ZCCHC7: variants seen among roughly 807,000 people sequenced by gnomAD.
ZCCHC7 encodes zinc finger CCHC domain-containing protein 7.
ZCCHC7 carries 35 observed loss-of-function variants against 52.0 expected under a neutral mutation model. That is an observed-to-expected ratio of 0.67 (90% CI 0.51 to 0.89). ZCCHC7 has a LOEUF of 0.89. Among genes scored for constraint, ZCCHC7 ranks in the 40% least tolerant of loss-of-function variants. The pLI is 0.00. For synonymous variants in ZCCHC7, 217 were observed against 221.5 expected (o/e 0.98, Z 0.18); for missense variants, 574 against 649.1 (o/e 0.88, Z 1.26).
chr9:37,291,608 T>C (rs1828540884), intron 2 of ZCCHC7, among the ~76,000 whole-genome samples: 2 of 152,234 alleles, frequency 1.3e-5, no homozygotes, highest in Admixed American at 6.5e-5. Context: ...AAAAATTTTT[T>C]TTCAATTGAT....
At chr9:37,129,946 C>CT (rs1346886857) in intron 2 of ZCCHC7, among the ~76,000 whole-genome samples, 4 of 152,132 alleles carry the variant, frequency 2.6e-5, no homozygotes, top group Admixed American at 2.6e-4. Context: ...TGGTAAAAGA[C>CT]TTAAGTTTTA....
intron 2 of ZCCHC7, among the ~76,000 whole-genome samples, chr9:37,300,153 C>T (rs1002422655): frequency 6.6e-6 from 1 of 152,164 alleles, no homozygotes; most frequent in Non-Finnish European, 1.5e-5. Flanking sequence ...GAGTCGATCT[C>T]CCTCCTTCAA....
intron 1 of ZCCHC7, among the ~76,000 whole-genome samples, chr9:37,122,034 C>G (rs1385494840): frequency 2.6e-5 from 4 of 152,150 alleles, no homozygotes; most frequent in African/African-American, 7.2e-5. Flanking sequence ...TCATCACATT[C>G]CAATGAAAAT....
intron 1 of ZCCHC7, among the ~76,000 whole-genome samples, chr9:37,126,037 TCA>T (rs1447726292): frequency 6.6e-6 from 1 of 152,184 alleles, no homozygotes; most frequent in Non-Finnish European, 1.5e-5. Flanking sequence ...CACGATGAAA[TCA>T]CAGAACAAAG....
chr9:37,149,912 G>T (rs1843608587), intron 2 of ZCCHC7, among the ~76,000 whole-genome samples: 1 of 152,188 alleles, frequency 6.6e-6, no homozygotes, highest in Non-Finnish European at 1.5e-5. Flanking sequence ...GCTGCTAAAA[G>T]AGTCAAACTC....
chr9:37,286,808 C>G (rs1416810027), intron 2 of ZCCHC7, among the ~76,000 whole-genome samples: 2 of 53,270 alleles, frequency 3.8e-5, no homozygotes. Flanking sequence ...CCCTCCCCCC[C>G]GTTCCCGCCC....
intron 2 of ZCCHC7, among the ~76,000 whole-genome samples, chr9:37,279,930 G>A (rs1253053519): frequency 2.6e-5 from 4 of 151,906 alleles, no homozygotes; most frequent in South Asian, 2.1e-4. Context: ...CGAGGCGGGC[G>A]GATCACGAGG....
chr9:37,345,211 A>T (rs1384881685), intron 6 of ZCCHC7, among the ~76,000 whole-genome samples: 1 of 152,238 alleles, frequency 6.6e-6, no homozygotes, highest in East Asian at 1.9e-4. Context: ...TCCTTGAAAC[A>T]TCCATTCTGC....
intron 2 of ZCCHC7, among the ~76,000 whole-genome samples, chr9:37,199,488 C>T (rs1480849488): frequency 5.3e-5 from 8 of 151,536 alleles, no homozygotes; most frequent in African/African-American, 1.9e-4. Context: ...TACACCACCA[C>T]GCCCAGTTAA....
Position 37,302,281 on chromosome 9 carries a change from A to C in ZCCHC7, c.654+50A>C, listed in dbSNP as rs200695410. 6.3e-4 allele frequency: 897 copies of C among 1,422,516 alleles called. 3 individuals are homozygous for C. The Middle Eastern group carries it at 6.9e-3, about 11-fold the overall frequency. The allele number at this position is 1,422,516 out of a possible 1,614,324, so 88.1% of individuals were successfully genotyped here. The stretch of plus-strand genomic sequence containing the variant: ...TCAGAATAATAATTTCCTTTGCTTC[A>C]TAGTTTATTATGATAACTTTTGGAA... On this transcript the variant is annotated intron_variant, in intron 3 of 8. Transcript: ENST00000336755.
At chr9:37,221,158 A>G (rs961122956) in intron 2 of ZCCHC7, among the ~76,000 whole-genome samples, 4 of 152,222 alleles carry the variant, frequency 2.6e-5, no homozygotes, top group Non-Finnish European at 5.9e-5. Flanking sequence ...AGAATTTTGC[A>G]CTAAGCCTTA....
At chr9:37,244,664 C>G (rs1826008279) in intron 2 of ZCCHC7, among the ~76,000 whole-genome samples, 1 of 151,788 alleles carries the variant, frequency 6.6e-6, no homozygotes, top group Non-Finnish European at 1.5e-5. Context: ...TCACATTTTT[C>G]CTTTTGTTCT....
Position 37,304,307 on chromosome 9 carries a change from A to G in ZCCHC7, c.774A>G (p.Leu258=). The change falls in exon 4 of 9, where the codon TTA becomes TTG. Residue 258 remains leucine (L), a synonymous_variant. Transcript: ENST00000336755. ...GTCATTTATCAAAAAACTGCCCCTT[A>G]CCACGAGTACGTGAAATATGCTTTG... ...KRGHLSKNCP[L]PRKVRRCFLC... The G allele has an allele frequency of 6.2e-7, 1 of 1,612,626 alleles. No homozygotes were observed. The highest frequency in any genetic ancestry group is 8.5e-7 in the Non-Finnish European group (1 of 1,179,472).
chr9:37,178,252 TG>T (rs1359161292), intron 2 of ZCCHC7, among the ~76,000 whole-genome samples: 1 of 152,038 alleles, frequency 6.6e-6, no homozygotes, highest in African/African-American at 2.4e-5. Context: ...TCACTCTTAG[TG>T]GAAAATCAGG....
chr9:37,183,269 C>G (rs1032042536), intron 2 of ZCCHC7, among the ~76,000 whole-genome samples: 13 of 152,166 alleles, frequency 8.5e-5, no homozygotes, highest in Non-Finnish European at 1.9e-4. Flanking sequence ...TGTGAACTCT[C>G]ATTTTGTGAC....
At chr9:37,302,699 CAAAT>C (rs1829091116) in intron 3 of ZCCHC7, among the ~76,000 whole-genome samples, 1 of 152,156 alleles carries the variant, frequency 6.6e-6, no homozygotes, top group South Asian at 2.1e-4. Context: ...AGCAAAATAA[CAAAT>C]AAAAGATGAA....
chr9:37,332,710 C>T (rs1830498089), intron 6 of ZCCHC7, among the ~76,000 whole-genome samples: 1 of 150,514 alleles, frequency 6.6e-6, no homozygotes. Context: ...GCAAATGAAA[C>T]CTGGAATTAT....
intron 2 of ZCCHC7, among the ~76,000 whole-genome samples, chr9:37,254,494 G>A (rs1004455455): frequency 6.6e-6 from 1 of 151,894 alleles, no homozygotes; most frequent in Non-Finnish European, 1.5e-5. Flanking sequence ...TGAGAGTGGG[G>A]TGTTGACTAG....
chr9:37,197,070 A>G (rs1823327436), intron 2 of ZCCHC7, among the ~76,000 whole-genome samples: 1 of 152,244 alleles, frequency 6.6e-6, no homozygotes, highest in Admixed American at 6.5e-5. Flanking sequence ...TTTGTGTGTT[A>G]TGAAGAAAAG....
Sources: allele counts gnomAD v4.1 joint callset (sites outside exome capture counted in the v4.1 genomes callset), GRCh38; gene constraint gnomAD v4.1.1; transcripts MANE v1.5; gene names NCBI Gene and HGNC (gene_info 2026-07-23, HGNC 2026-07-21).